Variants in PRKCA observed in about 807,000 individuals in gnomAD.
PRKCA encodes protein kinase C alpha, also known as protein kinase C alpha type.
Under a neutral mutation model 87.0 loss-of-function variants are expected in PRKCA, and 27 were observed. The observed-to-expected ratio is 0.31, with a 90% CI of 0.23 to 0.43. PRKCA has a LOEUF of 0.43. PRKCA is among the 20% of genes least tolerant of loss of function. PRKCA has a pLI of 1.00. For synonymous variants in PRKCA, 329 were observed against 311.1 expected (o/e 1.06, Z -0.61); for missense variants, 518 against 852.3 (o/e 0.61, Z 4.88).
chr17:66,384,095 T>C (rs1489323035), intron 2 of PRKCA, among the ~76,000 whole-genome samples: 1 of 152,206 alleles, frequency 6.6e-6, no homozygotes, highest in Non-Finnish European at 1.5e-5. Flanking sequence ...ATTTCATATA[T>C]GTAGAATATA....
chr17:66,688,395 CT>C lies in PRKCA; in HGVS notation c.783del (p.Phe261LeufsTer6). ...GGAATGACTTCATGGGATCCCTTTC[CT>C]TTGGAGTTTCGGAGCTGATGAAGAT... is the stretch of plus-strand genomic sequence containing the variant. The part of the protein sequence containing the change: ...TRNDFMGSLS[F>X]GVSELMKMPA... On this transcript the variant is annotated frameshift_variant, in exon 7 of 17. Coordinates refer to ENST00000413366, the MANE Select transcript of PRKCA (RefSeq NM_002737.3). LOFTEE classifies it high-confidence loss of function. 1 of 1,614,180 alleles carries C rather than the reference CT, an allele frequency of 6.2e-7. No individual in the cohort carries two copies. Among genetic ancestry groups the C allele is most frequent in the East Asian group, 2.2e-5 (1 of 44,880 alleles).
intron 2 of PRKCA, 164 bp downstream of exon 2, chr17:66,306,291 T>C (rs1202014701): frequency 8.2e-6 from 5 of 608,938 alleles, no homozygotes; most frequent in Non-Finnish European, 1.4e-5. Flanking sequence ...AATTGGGGCC[T>C]ACTAATCTGC....
intron 8 of PRKCA, among the ~76,000 whole-genome samples, chr17:66,712,594 T>C (rs1973360044): frequency 6.6e-6 from 1 of 152,166 alleles, no homozygotes; most frequent in African/African-American, 2.4e-5. Flanking sequence ...AATGAAGGGC[T>C]GTCCCTGTCC....
intron 16 of PRKCA, chr17:66,796,432 C>T (rs911387270): frequency 3.0e-6 from 3 of 984,898 alleles, no homozygotes; most frequent in Admixed American, 6.2e-5. Context: ...CTCCTTTGTC[C>T]GTTCTTATTC....
chr17:66,365,557 C>T (rs999129965), intron 2 of PRKCA, among the ~76,000 whole-genome samples: 2 of 152,136 alleles, frequency 1.3e-5, no homozygotes, highest in African/African-American at 4.8e-5. Flanking sequence ...CCTATAGTTA[C>T]TTATAGGCAG....
intron 3 of PRKCA, among the ~76,000 whole-genome samples, chr17:66,626,362 ATTTTT>A (rs36045417): frequency 8.0e-6 from 1 of 124,444 alleles, no homozygotes; most frequent in African/African-American, 3.0e-5. Flanking sequence ...TAGTTTTTGT[ATTTTT>A]TTTTTTTTTT....
chr17:66,688,562 A>G, intron 7 of PRKCA, 126 bp downstream of exon 7: 2 of 1,264,644 alleles, frequency 1.6e-6, no homozygotes, highest in African/African-American at 1.5e-5. Context: ...CAGCACTTCA[A>G]GAGGCCGAGG....
chr17:66,363,657 C>T (rs1037957221), intron 2 of PRKCA, among the ~76,000 whole-genome samples: 7 of 152,158 alleles, frequency 4.6e-5, no homozygotes, highest in African/African-American at 7.2e-5. Context: ...GTGCTAGCCA[C>T]GGGGTGGATA....
intron 3 of PRKCA, among the ~76,000 whole-genome samples, chr17:66,614,297 T>C (rs1427019909): frequency 6.6e-6 from 1 of 152,176 alleles, no homozygotes; most frequent in Non-Finnish European, 1.5e-5. Flanking sequence ...TAACGACATC[T>C]CACAGATTTG....
At chr17:66,315,480 CTTTT>C (rs58393155) in intron 2 of PRKCA, among the ~76,000 whole-genome samples, 2 of 139,808 alleles carry the variant, frequency 1.4e-5, no homozygotes, top group Non-Finnish European at 1.5e-5. Flanking sequence ...AGTGTTTTTT[CTTTT>C]TTTTTTTTTT....
chr17:66,323,468 T>A (rs1332647017), intron 2 of PRKCA, among the ~76,000 whole-genome samples: 1 of 152,234 alleles, frequency 6.6e-6, no homozygotes, highest in Non-Finnish European at 1.5e-5. Flanking sequence ...TAAATTTTGC[T>A]GTATCTAAAA....
chr17:66,432,632 C>G (rs541415631), intron 2 of PRKCA, among the ~76,000 whole-genome samples: 40 of 152,282 alleles, frequency 2.6e-4, no homozygotes, highest in South Asian at 6.2e-4. Context: ...TAGGCCTTGT[C>G]ACTTCTTGAG....
At chr17:66,552,253 G>A (rs1968358475) in intron 3 of PRKCA, among the ~76,000 whole-genome samples, 1 of 152,120 alleles carries the variant, frequency 6.6e-6, no homozygotes, top group South Asian at 2.1e-4. Context: ...AGCCATGATT[G>A]CACCACTGCA....
chr17:66,618,968 G>A (rs184582864), intron 3 of PRKCA, among the ~76,000 whole-genome samples: 6 of 152,030 alleles, frequency 3.9e-5, no homozygotes, highest in Admixed American at 1.3e-4. Context: ...ATGAGGAGGG[G>A]GAACCCATAT....
At chr17:66,520,133 T>C (rs1261404417) in intron 3 of PRKCA, among the ~76,000 whole-genome samples, 1 of 151,400 alleles carries the variant, frequency 6.6e-6, no homozygotes, top group East Asian at 1.9e-4. Context: ...TAATTTTTTT[T>C]TTTTTTTTTT....
intron 8 of PRKCA, among the ~76,000 whole-genome samples, chr17:66,725,502 G>A (rs1178281009): frequency 6.6e-6 from 1 of 152,048 alleles, no homozygotes; most frequent in African/African-American, 2.4e-5. Context: ...TAGTGAGGAA[G>A]ACAGATCAAT....
chr17:66,448,980 TAAAAAAA>T (rs58373500), intron 2 of PRKCA, among the ~76,000 whole-genome samples: 4 of 140,604 alleles, frequency 2.8e-5, no homozygotes, highest in Admixed American at 7.0e-5. Flanking sequence ...ACTCTAAACT[TAAAAAAA>T]AAAAAAAAAA....
intron 5 of PRKCA, among the ~76,000 whole-genome samples, chr17:66,683,998 T>G (rs1972559944): frequency 6.6e-6 from 1 of 152,228 alleles, no homozygotes; most frequent in South Asian, 2.1e-4. Flanking sequence ...CAGCTTCCCC[T>G]CTTCCATCTT....
At chr17:66,463,476 A>G (rs1232876583) in intron 2 of PRKCA, among the ~76,000 whole-genome samples, 1 of 151,250 alleles carries the variant, frequency 6.6e-6, no homozygotes, top group Non-Finnish European at 1.5e-5. Context: ...GCTCACTGCA[A>G]CCTCCGCCTC....
Sources: allele counts gnomAD v4.1 joint callset (sites outside exome capture counted in the v4.1 genomes callset), GRCh38; gene constraint gnomAD v4.1.1; transcripts MANE v1.5; gene names NCBI Gene and HGNC (gene_info 2026-07-23, HGNC 2026-07-21).